The following NTMT2 variants were observed in gnomAD, a reference collection of about 807,000 sequenced individuals.
The protein encoded by NTMT2 is N-terminal Xaa-Pro-Lys N-methyltransferase 2.
Under a neutral mutation model 23.4 loss-of-function variants are expected in NTMT2, and 21 were observed. That is an observed-to-expected ratio of 0.90 (90% CI 0.64 to 1.29). NTMT2 has a LOEUF of 1.29. NTMT2 is among the 50% of genes most tolerant of loss of function. NTMT2 has a pLI of 0.00. For missense variants in NTMT2, 336 were observed against 352.0 expected (o/e 0.95, Z 0.36); for synonymous variants, 131 against 127.7 (o/e 1.03, Z -0.17).
At chr1:170,150,593 G>A (rs1049959079) in intron 1 of NTMT2, among the ~76,000 whole-genome samples, 10 of 152,064 alleles carry the variant, frequency 6.6e-5, no homozygotes, top group African/African-American at 2.2e-4. Context: ...ATAATACAAT[G>A]TAAATGAAAA....
Position 170,146,141 on chromosome 1 carries a change from T to A in NTMT2, c.34T>A (p.Ser12Thr), listed in dbSNP as rs1381442192. 5.2e-6 allele frequency: 8 copies of A among 1,551,356 alleles called. No individual in the cohort carries two copies. Among genetic ancestry groups the A allele is most frequent in the Non-Finnish European group, 7.0e-6 (8 of 1,146,890 alleles). ...AHRGAHFAFR[S>T]RWQKTDDELC... ...CCGGGGAGCCCATTTTGCCTTTAGA[T>A]CCCGCTGGCAGAAGACCGACGATGA... The change falls in exon 1 of 4, where the codon TCC (serine) becomes ACC (threonine). Residue 12 changes from serine (S) to threonine (T), a missense_variant. Physicochemically the swap from Ser to Thr is moderately conservative, Grantham distance 58 (BLOSUM62 1). Coordinates refer to ENST00000439373, the MANE Select transcript of NTMT2 (RefSeq NM_001136107.2).
At chr1:170,165,039 T>A (rs1272622799) in intron 2 of NTMT2, among the ~76,000 whole-genome samples, 1 of 152,054 alleles carries the variant, frequency 6.6e-6, no homozygotes, top group Non-Finnish European at 1.5e-5. Flanking sequence ...TTCCCTCTGT[T>A]TGTATTTTAC....
At position 170,160,528 on chromosome 1, in the gene NTMT2, C is replaced by T. The variant is rs149566246; in HGVS notation, c.165C>T (p.Tyr55=). 338 of 1,530,758 alleles carry T rather than the reference C, an allele frequency of 2.2e-4. No homozygotes were observed. Among genetic ancestry groups the T allele is most frequent in the Middle Eastern group, 1.4e-3 (8 of 5,844 alleles). The allele number at this position is 1,530,758 out of a possible 1,614,324, so 94.8% of individuals were successfully genotyped here. ...ATGTTTCATTTGCAGTGAAATTGTA[C>T]GCTTTAACAAGCCAAGTCATCAATG... ...LLEKIPLVKL[Y]ALTSQVINGE... is the part of the protein sequence containing the mutation. The change falls in exon 2 of 4, where the codon TAC becomes TAT. Residue 55 remains tyrosine (Y), a synonymous_variant. Coordinates refer to ENST00000439373, the MANE Select transcript of NTMT2 (RefSeq NM_001136107.2).
intron 1 of NTMT2, among the ~76,000 whole-genome samples, chr1:170,149,471 T>C (rs1233687230): frequency 1.3e-5 from 2 of 152,250 alleles, no homozygotes; most frequent in Non-Finnish European, 2.9e-5. Flanking sequence ...GTTTCCCTAT[T>C]GGACTCTCAT....
Position 170,146,271 on chromosome 1 carries a change from T to C in NTMT2, c.154+10T>C, listed in dbSNP as rs545570364. 2 of 1,547,712 alleles carry C rather than the reference T, an allele frequency of 1.3e-6. No homozygotes were observed. The highest frequency in any genetic ancestry group is 2.5e-5 in the East Asian group (1 of 40,742). On this transcript the variant is annotated intron_variant, in intron 1 of 3. Coordinates refer to ENST00000439373, the MANE Select transcript of NTMT2 (RefSeq NM_001136107.2). The stretch of plus-strand genomic sequence containing the variant: ...GAAAAAATTCCCCTGGGTAAGTGAG[T>C]CAGAGCTACTAGATAAGAAACAAGA...
intron 2 of NTMT2, among the ~76,000 whole-genome samples, chr1:170,163,730 T>A (rs77328420): frequency 0.052 from 7,864 of 152,320 alleles, 254 homozygotes; most frequent in Middle Eastern, 0.11. Context: ...AATAATGTTC[T>A]TCAAAACAAA....
chr1:170,167,747 G>A lies in NTMT2; in HGVS notation c.842G>A (p.Arg281Lys), dbSNP rs1417980455. ...TGGATGTTCGCACTGCACAGCGACAGACACTCCTGAAAAAGCAGTGGGAAT... is the reference window on the plus strand; with the variant it reads ...TGGATGTTCGCACTGCACAGCGACAAACACTCCTGAAAAAGCAGTGGGAAT... ...PVWMFALHSD[R>K]HS Residue 281 changes from arginine to lysine, a missense_variant, in exon 4 of 4, where the codon AGA becomes AAA. Transcript: ENST00000439373. 2 of 1,548,940 alleles carry A rather than the reference G, an allele frequency of 1.3e-6. No homozygotes were observed. The highest frequency in any genetic ancestry group is 1.7e-6 in the Non-Finnish European group (2 of 1,145,448).
At chr1:170,154,310 C>T (rs1235646205) in intron 1 of NTMT2, among the ~76,000 whole-genome samples, 3 of 152,046 alleles carry the variant, frequency 2.0e-5, no homozygotes, top group South Asian at 2.1e-4. Context: ...GGGGTGAAGT[C>T]CCACACAGAG....
At chr1:170,156,870 A>G (rs967175920) in intron 1 of NTMT2, among the ~76,000 whole-genome samples, 1 of 152,100 alleles carries the variant, frequency 6.6e-6, no homozygotes, top group African/African-American at 2.4e-5. Flanking sequence ...GGCATAATGG[A>G]CCATTCCTAT....
intron 2 of NTMT2, chr1:170,161,634 A>G (rs1673275060): frequency 6.6e-6 from 1 of 152,210 alleles, no homozygotes; most frequent in Admixed American, 6.5e-5. Flanking sequence ...ACTTCACAGG[A>G]TAATGTGGAG....
chr1:170,155,416 C>CT (rs1454630927), intron 1 of NTMT2, among the ~76,000 whole-genome samples: 1 of 151,502 alleles, frequency 6.6e-6, no homozygotes, highest in Admixed American at 6.6e-5. Flanking sequence ...CTCTTCCTTC[C>CT]TTTTTTCCTA....
chr1:170,165,490 G>T (rs927655789), intron 2 of NTMT2, among the ~76,000 whole-genome samples: 1 of 152,176 alleles, frequency 6.6e-6, no homozygotes, highest in Non-Finnish European at 1.5e-5. Flanking sequence ...TGAACTTGCT[G>T]TGTGCCATCA....
chr1:170,166,705 A>AC lies in NTMT2; in HGVS notation c.540dup (p.Phe181LeufsTer5), dbSNP rs752597089. ...ACTGCTACAGCCTGCAGGAATTCACACCCCCCTTCAGGAGATATGATGTCA... is the reference window on the plus strand; with the variant it reads ...ACTGCTACAGCCTGCAGGAATTCACACCCCCCCTTCAGGAGATATGATGTCA... On this transcript the variant is annotated frameshift_variant, in exon 3 of 4. Transcript: ENST00000439373. LOFTEE classifies it high-confidence loss of function. 20 of 1,551,826 alleles carry AC rather than the reference A, an allele frequency of 1.3e-5. No homozygotes were observed. The highest frequency in any genetic ancestry group is 4.1e-5 in the African/African-American group (3 of 72,880).
intron 1 of NTMT2, among the ~76,000 whole-genome samples, chr1:170,159,183 T>G (rs1272976307): frequency 6.6e-6 from 1 of 152,174 alleles, no homozygotes; most frequent in Non-Finnish European, 1.5e-5. Context: ...CAGATTCTGA[T>G]GAGTGGGAGT....
At position 170,151,278 on chromosome 1, in the gene NTMT2, G is replaced by A. The variant is rs1454454709; in HGVS notation, c.154+5017G>A. 33 of 153,670 alleles carry A rather than the reference G, an allele frequency of 2.1e-4. No individual in the cohort carries two copies. The Admixed American group carries it at 2.2e-3, about 10-fold the overall frequency. 9.5% of individuals were successfully genotyped at this position (153,670 alleles called of 1,614,324 possible). ...TTGTGATAGTTAAAAGAGACAATGT[G>A]AAGAGGTGACTTGAAAGTACCTAGC... On this transcript the variant is annotated intron_variant, in intron 1 of 3. Coordinates refer to ENST00000439373, the MANE Select transcript of NTMT2 (RefSeq NM_001136107.2).
At chr1:170,160,377 AC>A in intron 1 of NTMT2, 140 bp from the exon 2 acceptor site, 1 of 722,378 alleles carries the variant, frequency 1.4e-6, no homozygotes, top group Non-Finnish European at 2.1e-6. Context: ...CAAAACTCAA[AC>A]CCAAATCTTT....
At chr1:170,149,391 CT>C (rs2102229584) in intron 1 of NTMT2, among the ~76,000 whole-genome samples, 1 of 152,306 alleles carries the variant, frequency 6.6e-6, no homozygotes, top group South Asian at 2.1e-4. Flanking sequence ...CCTTGATTCA[CT>C]CATTTAAACT....
At chr1:170,159,018 C>T (rs933957462) in intron 1 of NTMT2, among the ~76,000 whole-genome samples, 1 of 151,420 alleles carries the variant, frequency 6.6e-6, no homozygotes, top group African/African-American at 2.4e-5. Flanking sequence ...CTTTGTTTTT[C>T]AGGCTTCTTA....
At chr1:170,158,758 T>C (rs1199613842) in intron 1 of NTMT2, among the ~76,000 whole-genome samples, 1 of 152,010 alleles carries the variant, frequency 6.6e-6, no homozygotes, top group African/African-American at 2.4e-5. Flanking sequence ...TATCTTTTTG[T>C]TTTATGTCCT....
Sources: gnomAD v4.1 joint callset for allele counts (sites outside exome capture counted in the v4.1 genomes callset) on GRCh38, gnomAD v4.1.1 for gene constraint, MANE v1.5 for transcripts, NCBI Gene and HGNC (gene_info 2026-07-23, HGNC 2026-07-21) for gene names.